Variants in KPNA7 observed in about 807,000 individuals in gnomAD.
KPNA7 encodes karyopherin subunit alpha 7.
Under a neutral mutation model 53.7 loss-of-function variants are expected in KPNA7, and 54 were observed. That is an observed-to-expected ratio of 1.01 (90% CI 0.81 to 1.26). The LOEUF (loss-of-function observed/expected upper bound fraction) is 1.26, where lower values mean the gene tolerates loss of function less well. Among genes scored for constraint, KPNA7 ranks in the 50% most tolerant of loss-of-function variants. The pLI is 0.00. For missense variants in KPNA7, 640 were observed against 644.5 expected, an observed-to-expected ratio of 0.99 and a Z score of 0.07; for synonymous variants, 276 against 259.3, an observed-to-expected ratio of 1.06 and a Z score of -0.62.
intron 9 of KPNA7, among the ~76,000 whole-genome samples, chr7:99,178,640 G>A (rs115376922): frequency 0.014 from 2,153 of 151,926 alleles, 39 homozygotes; most frequent in African/African-American, 0.046. Context: ...ATTTTGTGTA[G>A]AGACAAGATC....
chr7:99,182,139 T>C (rs1481573848), intron 8 of KPNA7, 74 bp from the exon 9 acceptor site: 1 of 1,198,674 alleles, frequency 8.3e-7, no homozygotes, highest in Non-Finnish European at 1.2e-6. Context: ...TTGGTTCACT[T>C]TCTAGGGAGG....
chr7:99,211,891 G>C (rs933132998), upstream of KPNA7, among the ~76,000 whole-genome samples: 2 of 152,108 alleles, frequency 1.3e-5, no homozygotes, highest in Non-Finnish European at 2.9e-5. Context: ...CCCACTCTCC[G>C]ATCTCAAAGC....
intron 7 of KPNA7, among the ~76,000 whole-genome samples, chr7:99,185,783 T>C (rs1429487157): frequency 2.7e-5 from 4 of 149,634 alleles, no homozygotes; most frequent in African/African-American, 7.5e-5. Context: ...AAATTGACGA[T>C]AGTGTTTTGT....
chr7:99,217,908 G>T (rs1436583429), intron 1 of KPNA7, among the ~76,000 whole-genome samples: 1 of 152,174 alleles, frequency 6.6e-6, no homozygotes, highest in African/African-American at 2.4e-5. Context: ...TGGGATTACA[G>T]GCGTGAGCCT....
At chr7:99,180,515 C>CTG (rs1375169449) in intron 9 of KPNA7, among the ~76,000 whole-genome samples, 1 of 147,702 alleles carries the variant, frequency 6.8e-6, no homozygotes, top group Non-Finnish European at 1.5e-5. Flanking sequence ...CTCTCTCTCT[C>CTG]TGTGTCTCTA....
chr7:99,188,292 G>C lies in KPNA7; in HGVS notation c.900+8C>G. ...ACTCGAATCCACAGGGCCCAGGATT[G>C]CATTTACCAAGACATTGAGTTCTGA... is the stretch of plus-strand genomic sequence containing the variant. On this transcript the variant is annotated splice_region_variant and intron_variant, in intron 7 of 10. Transcript: ENST00000327442. 3.9e-6 allele frequency: 6 copies of C among 1,549,446 alleles called. No homozygotes were observed. Among genetic ancestry groups the C allele is most frequent in the Non-Finnish European group, 5.2e-6 (6 of 1,145,476 alleles).
At chr7:99,193,280 G>C (rs1326426992) in intron 5 of KPNA7, among the ~76,000 whole-genome samples, 179 bp from the exon 6 acceptor site, 1 of 152,250 alleles carries the variant, frequency 6.6e-6, no homozygotes, top group Non-Finnish European at 1.5e-5. Context: ...TGGGTGGACA[G>C]TCCTGATGTA....
the KPNA7 span, among the ~76,000 whole-genome samples, chr7:99,161,621 C>T: frequency 6.6e-6 from 1 of 152,128 alleles, no homozygotes; most frequent in Non-Finnish European, 1.5e-5. Flanking sequence ...ATTCATGAGG[C>T]TTTGAATTAG....
At chr7:99,215,363 CTG>C in intron 1 of KPNA7, among the ~76,000 whole-genome samples, 1 of 79,010 alleles carries the variant, frequency 1.3e-5, no homozygotes, top group East Asian at 4.2e-4. Flanking sequence ...CAGAGCGAGA[CTG>C]TCTCAAAAAA....
chr7:99,184,454 C>A (rs527856603), intron 8 of KPNA7, among the ~76,000 whole-genome samples: 4 of 152,210 alleles, frequency 2.6e-5, no homozygotes, highest in Admixed American at 6.5e-5. Flanking sequence ...TGAGCCACTG[C>A]ACTCAGCCTG....
the KPNA7 span, among the ~76,000 whole-genome samples, chr7:99,149,837 A>T: frequency 6.6e-6 from 1 of 151,976 alleles, no homozygotes; most frequent in Non-Finnish European, 1.5e-5. Flanking sequence ...CCCAGGCTGG[A>T]GTATAGCAGC....
At chr7:99,192,868 T>G in intron 6 of KPNA7, 151 bp downstream of exon 6, 1 of 536,920 alleles carries the variant, frequency 1.9e-6, no homozygotes, top group Admixed American at 3.5e-5. Context: ...GTGGCTCACG[T>G]CCATAATCCC....
At chr7:99,167,697 T>G in the KPNA7 span, among the ~76,000 whole-genome samples, 1 of 139,578 alleles carries the variant, frequency 7.2e-6, no homozygotes, top group Non-Finnish European at 1.5e-5. Context: ...GCCAGGCTGG[T>G]CTCGAATTCC....
chr7:99,218,305 T>C (rs1563095481), intron 1 of KPNA7, among the ~76,000 whole-genome samples: 1 of 152,100 alleles, frequency 6.6e-6, no homozygotes, highest in African/African-American at 2.4e-5. Flanking sequence ...CAAATTTTTT[T>C]TTCTTTTTTT....
chr7:99,170,870 T>C (rs1213518648), downstream of KPNA7, among the ~76,000 whole-genome samples: 1 of 152,160 alleles, frequency 6.6e-6, no homozygotes, highest in East Asian at 1.9e-4. Flanking sequence ...GATCGATGCT[T>C]GCAACATTCT....
the KPNA7 span, among the ~76,000 whole-genome samples, chr7:99,164,691 C>T: frequency 0.044 from 6,661 of 152,066 alleles, 178 homozygotes; most frequent in Middle Eastern, 0.065. Flanking sequence ...AAAAAGGAGG[C>T]CTGGAGAGGC....
the KPNA7 span, among the ~76,000 whole-genome samples, chr7:99,167,971 C>G: frequency 1.3e-5 from 1 of 77,688 alleles, no homozygotes; most frequent in African/African-American, 4.6e-5. Context: ...TTGAATTATC[C>G]CCAAACCATT....
chr7:99,146,295 A>G, the KPNA7 span, among the ~76,000 whole-genome samples: 5 of 152,188 alleles, frequency 3.3e-5, no homozygotes, highest in African/African-American at 1.2e-4. Context: ...TCTTTGAGTC[A>G]GGAGGTTGCT....
intron 5 of KPNA7, 65 bp from the exon 6 acceptor site, chr7:99,193,166 AT>A: frequency 9.7e-7 from 1 of 1,030,956 alleles, no homozygotes; most frequent in Non-Finnish European, 1.4e-6. Context: ...TGGGTGACTA[AT>A]TTTTTAAGAG....
Sources: gnomAD v4.1 joint callset for allele counts (sites outside exome capture counted in the v4.1 genomes callset) on GRCh38, gnomAD v4.1.1 for gene constraint, MANE v1.5 for transcripts, NCBI Gene and HGNC (gene_info 2026-07-23, HGNC 2026-07-21) for gene names.